The following TGM2 variants were observed in gnomAD, a reference collection of about 807,000 sequenced individuals.
TGM2 encodes protein-glutamine gamma-glutamyltransferase 2.
A neutral mutation model predicts 75.6 loss-of-function variants in TGM2; 53 were observed. The observed-to-expected ratio is 0.70, with a 90% CI of 0.56 to 0.88. The LOEUF is 0.88. TGM2 is among the 40% of genes least tolerant of loss of function. The pLI is 0.00. For missense variants in TGM2, 842 were observed against 928.5 expected (o/e 0.91, Z 1.21); for synonymous variants, 374 against 381.1 (o/e 0.98, Z 0.22).
intron 2 of TGM2, among the ~76,000 whole-genome samples, chr20:38,158,455 A>G (rs371683203): frequency 1.3e-5 from 2 of 148,296 alleles, no homozygotes; most frequent in South Asian, 2.3e-4. Flanking sequence ...ATCCCAGACC[A>G]TGGTGGCCGG....
chr20:38,135,367 C>T (rs1188192467), intron 10 of TGM2, among the ~76,000 whole-genome samples: 1 of 151,612 alleles, frequency 6.6e-6, no homozygotes, highest in African/African-American at 2.4e-5. Flanking sequence ...CTCAATATAT[C>T]CGTGTAACAA....
At chr20:38,155,744 G>A in intron 3 of TGM2, 103 bp downstream of exon 3, 1 of 1,474,748 alleles carries the variant, frequency 6.8e-7, no homozygotes, top group Non-Finnish European at 9.0e-7. Context: ...CCACTTTGAT[G>A]TGTGTCTCTT....
intron 2 of TGM2, among the ~76,000 whole-genome samples, chr20:38,160,957 T>A (rs1715994666): frequency 6.6e-6 from 1 of 152,166 alleles, no homozygotes; most frequent in Non-Finnish European, 1.5e-5. Flanking sequence ...TGTACCACCA[T>A]GCCTGGCTTG....
chr20:38,137,141 A>G (rs940349757), intron 10 of TGM2, among the ~76,000 whole-genome samples: 4 of 152,188 alleles, frequency 2.6e-5, no homozygotes, highest in Non-Finnish European at 5.9e-5. Context: ...GCTCTGCCCA[A>G]CATAGCAGCT....
chr20:38,134,764 G>T (rs2074877875), intron 10 of TGM2, among the ~76,000 whole-genome samples: 1 of 152,168 alleles, frequency 6.6e-6, no homozygotes, highest in African/African-American at 2.4e-5. Context: ...AGGAGGCAGG[G>T]GTGGGGGCAA....
chr20:38,129,119 A>T lies in TGM2; in HGVS notation c.*1100T>A, dbSNP rs2074796370. On this transcript the variant is annotated 3_prime_UTR_variant, in exon 13 of 13. Transcript: ENST00000361475. ...GGGCCTATGGCTTAAGGCTTCGTGG[A>T]GCAGGGAGTGGACCTTGTGGTTATT... The T allele has an allele frequency of 6.6e-6, 1 of 152,454 alleles. No homozygotes were observed. Among genetic ancestry groups the T allele is most frequent in the Non-Finnish European group, 1.5e-5 (1 of 68,228 alleles). 9.4% of individuals were successfully genotyped at this position (152,454 alleles called of 1,614,324 possible).
intron 2 of TGM2, among the ~76,000 whole-genome samples, chr20:38,157,143 A>G (rs1043182347): frequency 3.3e-5 from 5 of 152,042 alleles, no homozygotes; most frequent in Non-Finnish European, 7.4e-5. Flanking sequence ...TTATTCTTCC[A>G]TCTCCCTCCT....
Position 38,147,983 on chromosome 20 carries a change from A to T in TGM2, c.659T>A (p.Val220Glu). The change falls in exon 5 of 13, where the codon GTG (valine) becomes GAG (glutamate). Residue 220 changes from valine to glutamate, a missense_variant. Physicochemically the swap from Val to Glu is moderately radical, Grantham distance 121. Coordinates refer to ENST00000361475, the MANE Select transcript of TGM2 (RefSeq NM_004613.4). The stretch of plus-strand genomic sequence containing the variant: ...CACCATGCCACTCACCACCCGGCCC[A>T]CGTAGACGGGGCTGCTGCGGCGGGA... ...DCSRRSSPVY[V>E]GRVVSGMVNC... 1 of 1,612,776 alleles carries T rather than the reference A, an allele frequency of 6.2e-7. No homozygotes were observed. The highest frequency in any genetic ancestry group is 8.5e-7 in the Non-Finnish European group (1 of 1,179,772).
In TGM2 at chr20:38,146,896, T is replaced by C; in HGVS notation, c.682-2A>G. 5.6e-6 allele frequency: 9 copies of C among 1,612,338 alleles called. No homozygotes were observed. The highest frequency in any genetic ancestry group is 7.6e-6 in the Non-Finnish European group (9 of 1,179,954). ...ACCCTGGTCATCGTTGCAGTTGACC[T>C]GCAACCAGTGGGGCAGCACGGGGAC... On this transcript the variant is annotated splice_acceptor_variant, in intron 5 of 12. Coordinates refer to ENST00000361475, the MANE Select transcript of TGM2 (RefSeq NM_004613.4). LOFTEE classifies it high-confidence loss of function.
At position 38,161,495 on chromosome 20, in the gene TGM2, A is replaced by T; in HGVS notation, c.115T>A (p.Phe39Ile). The T allele has an allele frequency of 1.2e-6, 2 of 1,614,176 alleles. No individual in the cohort carries two copies. The highest frequency in any genetic ancestry group is 1.7e-6 in the Non-Finnish European group (2 of 1,180,032). Residue 39 changes from phenylalanine (F) to isoleucine (I), a missense_variant, in exon 2 of 13, where the codon TTC (phenylalanine) becomes ATC (isoleucine). Phe to Ile is a conservative substitution (Grantham distance 21, BLOSUM62 0). Coordinates refer to ENST00000361475, the MANE Select transcript of TGM2 (RefSeq NM_004613.4). ...CCCTCAAAGTGCAGGGTCAGCCAGA[A>T]GGGCTGGCCCCGTCGCACCACCAGC... ...EKLVVRRGQPFWLTLHFEGRN... is the reference protein window; with the variant it reads ...EKLVVRRGQPIWLTLHFEGRN...
At chr20:38,166,100 T>C (rs2075307759), upstream of TGM2, among the ~76,000 whole-genome samples, 1 of 152,150 alleles carries the variant, frequency 6.6e-6, no homozygotes, top group African/African-American at 2.4e-5. Context: ...AGGCATGGAC[T>C]CAGGTACAGA....
chr20:38,163,874 G>A (rs1440337099), intron 1 of TGM2, among the ~76,000 whole-genome samples: 1 of 152,230 alleles, frequency 6.6e-6, no homozygotes, highest in Non-Finnish European at 1.5e-5. Flanking sequence ...CCAGTCCCTG[G>A]GCTGTGGGAG....
rs1469467428 is a variant in TGM2, at chr20:38,129,392, C to T, written c.*827G>A. The T allele has an allele frequency of 6.6e-6, 1 of 152,162 alleles. No individual in the cohort carries two copies. Among genetic ancestry groups the T allele is most frequent in the Admixed American group, 6.5e-5 (1 of 15,280 alleles). The allele number at this position is 152,162 out of a possible 1,614,324, so 9.4% of individuals were successfully genotyped here. On this transcript the variant is annotated 3_prime_UTR_variant, in exon 13 of 13. Coordinates refer to ENST00000361475, the MANE Select transcript of TGM2 (RefSeq NM_004613.4). ...GGCCCCAGACAGCCTCTCCGACAGTCTCAGGTCAGGCTGGGGTTATAAATG... is the reference window on the plus strand; with the variant it reads ...GGCCCCAGACAGCCTCTCCGACAGTTTCAGGTCAGGCTGGGGTTATAAATG...
chr20:38,139,275 T>C (rs1408687154), intron 9 of TGM2, 137 bp downstream of exon 9: 2 of 1,245,152 alleles, frequency 1.6e-6, no homozygotes, highest in Non-Finnish European at 2.3e-6. Context: ...TTGCTGAAGA[T>C]GGAGTATAGC....
rs1342964874 is a variant in TGM2, at chr20:38,137,958, T to C, written c.1615+155A>G. ...ACTCTTGCAATAAGAATTAAGTGGG[T>C]TGATATTTATAAAGTGCTTAGGACA... On this transcript the variant is annotated intron_variant, in intron 10 of 12. Coordinates refer to ENST00000361475, the MANE Select transcript of TGM2 (RefSeq NM_004613.4). 18 of 1,434,866 alleles carry C rather than the reference T, an allele frequency of 1.3e-5. 1 individual carries two copies. The highest frequency in any genetic ancestry group is 1.6e-5 in the Non-Finnish European group (17 of 1,087,818). The allele number at this position is 1,434,866 out of a possible 1,614,324, so 88.9% of individuals were successfully genotyped here. A position where few individuals can be genotyped will look rare whatever the true frequency, so the allele number is the denominator to read the frequency against.
intron 8 of TGM2, among the ~76,000 whole-genome samples, chr20:38,140,630 G>A (rs2074960460): frequency 6.6e-6 from 1 of 152,094 alleles, no homozygotes; most frequent in Admixed American, 6.5e-5. Flanking sequence ...TGTCCCAGAT[G>A]GCAGGAAATT....
intron 8 of TGM2, among the ~76,000 whole-genome samples, chr20:38,141,050 T>G (rs2074965996): frequency 6.6e-6 from 1 of 152,194 alleles, no homozygotes; most frequent in South Asian, 2.1e-4. Flanking sequence ...GCTATTTGAT[T>G]TTTTTCTTTG....
intron 1 of TGM2, among the ~76,000 whole-genome samples, chr20:38,163,405 G>T (rs2122979672): frequency 6.6e-6 from 1 of 152,320 alleles, no homozygotes; most frequent in Non-Finnish European, 1.5e-5. Flanking sequence ...GATGCAAAGT[G>T]CCTTGTATGT....
chr20:38,162,381 CCAATGTTCAATTTA>C (rs1437169058), intron 1 of TGM2, among the ~76,000 whole-genome samples: 4 of 152,088 alleles, frequency 2.6e-5, no homozygotes, highest in African/African-American at 9.7e-5. Flanking sequence ...GCCTTTAGAT[CCAATGTTCAATTTA>C]CAGGAAATAC....
Sources: allele counts gnomAD v4.1 joint callset (sites outside exome capture counted in the v4.1 genomes callset), GRCh38; gene constraint gnomAD v4.1.1; transcripts MANE v1.5; gene names NCBI Gene and HGNC (gene_info 2026-07-23, HGNC 2026-07-21).